COL6A2: variants seen among roughly 807,000 people sequenced by gnomAD.
COL6A2 encodes collagen type VI alpha 2 chain.
A neutral mutation model predicts 124.9 loss-of-function variants in COL6A2; 90 were observed. The ratio of observed to expected loss-of-function variants is 0.72; its 90% CI spans 0.61 to 0.86. The LOEUF (loss-of-function observed/expected upper bound fraction) is 0.86. COL6A2 is among the 40% of genes least tolerant of loss of function. The pLI is 0.00. For missense variants in COL6A2, 1,607 were observed against 1,502.5 expected (o/e 1.07, Z -1.15); for synonymous variants, 793 against 618.2 (o/e 1.28, Z -4.19).
intron 24 of COL6A2, 52 bp from the exon 25 acceptor site, chr21:46,125,413 C>T (rs750356599): frequency 3.1e-6 from 5 of 1,610,758 alleles, no homozygotes; most frequent in South Asian, 1.1e-5. Context: ...GCACGTGACC[C>T]TAGGGTCTGA....
chr21:46,116,926 TACACACACACACACACAC>T lies in COL6A2; in HGVS notation c.999+125_999+142del, dbSNP rs59060956. The T allele has an allele frequency of 0.014, 9,247 of 639,326 alleles. 399 individuals are homozygous for T. Among genetic ancestry groups the T allele is most frequent in the South Asian group, 0.085 (4,687 of 54,992 alleles). 39.6% of individuals were successfully genotyped at this position (639,326 alleles called of 1,614,324 possible). ...CAGCTTACACATGTGTACACACGCA[TACACACACACACACACAC>T]ACACACACACACGAACTTCAGCTCC... On this transcript the variant is annotated intron_variant, in intron 10 of 27. Coordinates refer to ENST00000300527, the MANE Select transcript of COL6A2 (RefSeq NM_001849.4). The surrounding 1 kb of genome is among the most constrained non-coding windows in gnomAD (Gnocchi z 4.6).
chr21:46,125,505 C>T lies in COL6A2; in HGVS notation c.1857C>T (p.Val619=), dbSNP rs2078648433. The part of the protein sequence containing the change: ...KRCGALDVVF[V]IDSSESIGYT... ...GTGGCGCCCTGGACGTGGTCTTCGT[C>T]ATCGACAGCTCCGAGAGCATTGGGT... Residue 619 remains valine (V), a synonymous_variant, in exon 25 of 28, where the codon GTC becomes GTT. Coordinates refer to ENST00000300527, the MANE Select transcript of COL6A2 (RefSeq NM_001849.4). 1.2e-6 allele frequency: 2 copies of T among 1,612,992 alleles called. No homozygotes were observed. Among genetic ancestry groups the T allele is most frequent in the Non-Finnish European group, 1.7e-6 (2 of 1,179,960 alleles).
rs764218279 is a variant in COL6A2, at chr21:46,112,610, CA to C, written c.714+34del. 7.5e-6 allele frequency: 12 copies of C among 1,608,174 alleles called. No individual in the cohort carries two copies. In the Admixed American group the frequency reaches 1.2e-4, roughly 16 times the overall value. Reference sequence around the variant, plus strand: ...GCGGGCGGGAGCACCGTCCACGCGCCAGGGGTGGCCACGGTGGGCCGTCCAC... The same window carrying C: ...GCGGGCGGGAGCACCGTCCACGCGCCGGGGTGGCCACGGTGGGCCGTCCAC... On this transcript the variant is annotated intron_variant, in intron 3 of 27. Coordinates refer to ENST00000300527, the MANE Select transcript of COL6A2 (RefSeq NM_001849.4).
rs368299174 is a variant in COL6A2, at chr21:46,112,174, A to G, written c.311A>G (p.Gln104Arg). 1 of 1,612,954 alleles carries G rather than the reference A, an allele frequency of 6.2e-7. No individual in the cohort carries two copies. The highest frequency in any genetic ancestry group is 8.5e-7 in the Non-Finnish European group (1 of 1,180,030). The change falls in exon 3 of 28, where the codon CAG becomes CGG. Residue 104 changes from glutamine (Q) to arginine (R), a missense_variant. By Grantham distance (43) the Gln-to-Arg change is conservative. Coordinates refer to ENST00000300527, the MANE Select transcript of COL6A2 (RefSeq NM_001849.4). ...WRYGGLHFSD[Q>R]VEVFSPPGSD... Reference sequence around the variant, plus strand: ...TACGGCGGCCTGCACTTCTCTGACCAGGTGGAGGTGTTCAGCCCACCGGGC... The same window carrying G: ...TACGGCGGCCTGCACTTCTCTGACCGGGTGGAGGTGTTCAGCCCACCGGGC...
intron 1 of COL6A2, among the ~76,000 whole-genome samples, chr21:46,104,357 G>A (rs2078316338): frequency 6.6e-6 from 1 of 152,122 alleles, no homozygotes; most frequent in Admixed American, 6.5e-5. Context: ...AAACCAAAGG[G>A]AAATTCTGGA....
chr21:46,130,444 C>T (rs951007178), intron 27 of COL6A2, among the ~76,000 whole-genome samples: 5 of 152,212 alleles, frequency 3.3e-5, no homozygotes, highest in South Asian at 2.1e-4. Flanking sequence ...CTGCCGGGCA[C>T]GGCTGTGACC....
chr21:46,099,366 G>C (rs2078261640), intron 1 of COL6A2, among the ~76,000 whole-genome samples: 1 of 140,880 alleles, frequency 7.1e-6, no homozygotes, highest in Non-Finnish European at 1.5e-5. Context: ...TGAGGCAGGA[G>C]AAAATCACTT....
chr21:46,118,540 G>GC (rs933160705), intron 12 of COL6A2, 74 bp from the exon 13 acceptor site: 12 of 1,436,788 alleles, frequency 8.4e-6, no homozygotes, highest in Middle Eastern at 3.5e-4. Context: ...CGTGGGTCCT[G>GC]CCCCCGCAGC....
At position 46,124,521 on chromosome 21, in the gene COL6A2, C is replaced by T. The variant is rs889685761; in HGVS notation, c.1672-130C>T. 3.3e-4 allele frequency: 257 copies of T among 789,550 alleles called. 1 individual carries two copies. Among genetic ancestry groups the T allele is most frequent in the Middle Eastern group, 6.9e-4 (2 of 2,886 alleles). 48.9% of individuals were successfully genotyped at this position (789,550 alleles called of 1,614,324 possible). ...AAGGAGGAGGCACAGCCTTGTCTTA[C>T]TCCTTGCACCTGTTAGCCCCCCCCC... is the stretch of plus-strand genomic sequence containing the variant. On this transcript the variant is annotated intron_variant, in intron 21 of 27. Transcript: ENST00000300527.
At chr21:46,115,685 G>T (rs2078459688) in intron 5 of COL6A2, among the ~76,000 whole-genome samples, 187 bp from the exon 6 acceptor site, 1 of 152,138 alleles carries the variant, frequency 6.6e-6, no homozygotes, top group Admixed American at 6.5e-5. Context: ...GGGAGAAATG[G>T]GTCAAAGCAA....
chr21:46,112,264 C>A lies in COL6A2; in HGVS notation c.401C>A (p.Thr134Asn). Residue 134 changes from threonine (T) to asparagine (N), a missense_variant, in exon 3 of 28, where the codon ACC becomes AAC. Thr to Asn is a moderately conservative substitution (Grantham distance 65, BLOSUM62 0). Coordinates refer to ENST00000300527, the MANE Select transcript of COL6A2 (RefSeq NM_001849.4). ...AGCTCCTTCCGCCGCGGCACCTTCACCGACTGCGCGCTGGCCAACATGACG... is the reference window on the plus strand; with the variant it reads ...AGCTCCTTCCGCCGCGGCACCTTCAACGACTGCGCGCTGGCCAACATGACG... ...GISSFRRGTF[T>N]DCALANMTEQ... The A allele has an allele frequency of 1.9e-6, 3 of 1,612,796 alleles. No individual in the cohort carries two copies. The highest frequency in any genetic ancestry group is 1.7e-6 in the Non-Finnish European group (2 of 1,179,992).
chr21:46,129,614 G>C, intron 27 of COL6A2: 2 of 1,432,786 alleles, frequency 1.4e-6, no homozygotes, highest in South Asian at 3.0e-5. Context: ...CGGGGCTACA[G>C]TCCTTCCAGG....
Position 46,120,541 on chromosome 21 carries a change from C to G in COL6A2, c.1359C>G (p.Arg453=). 6.8e-7 allele frequency: 1 copy of G among 1,478,350 alleles called. No homozygotes were observed. The highest frequency in any genetic ancestry group is 9.0e-7 in the Non-Finnish European group (1 of 1,116,456). 91.6% of individuals were successfully genotyped at this position (1,478,350 alleles called of 1,614,324 possible). A position where few individuals can be genotyped will look rare whatever the true frequency, so the allele number is the denominator to read the frequency against. Residue 453 remains arginine (R), a synonymous_variant, in exon 16 of 28, where the codon CGC becomes CGG. Coordinates refer to ENST00000300527, the MANE Select transcript of COL6A2 (RefSeq NM_001849.4). ...EKGDPGPEGP[R]GLAGEVGNKG... Reference sequence around the variant, plus strand: ...GGGACCCTGGCCCTGAGGGGCCCCGCGGCCTGGCTGGAGAGGTTGGCAACA... The same window carrying G: ...GGGACCCTGGCCCTGAGGGGCCCCGGGGCCTGGCTGGAGAGGTTGGCAACA...
chr21:46,114,424 C>CA (rs751941293), intron 5 of COL6A2, among the ~76,000 whole-genome samples: 8,120 of 96,398 alleles, frequency 0.084, 331 homozygotes, highest in Non-Finnish European at 0.12. Context: ...GACTCTGTCT[C>CA]AAAAAAAAAA....
rs139814466 is a variant in COL6A2, at chr21:46,132,426, C to A, written c.2934C>A (p.Ser978Arg). 1 of 1,606,844 alleles carries A rather than the reference C, an allele frequency of 6.2e-7. No homozygotes were observed. The highest frequency in any genetic ancestry group is 2.2e-5 in the East Asian group (1 of 44,740). Reference sequence around the variant, plus strand: ...TACCCACCGTGCTGGCCTTGGGCAGCGACGTGGACATGGACGTGCTCACCA... The same window carrying A: ...TACCCACCGTGCTGGCCTTGGGCAGAGACGTGGACATGGACGTGCTCACCA... ...NVVPTVLALG[S>R]DVDMDVLTTL... Residue 978 changes from serine to arginine, a missense_variant, in exon 28 of 28, where the codon AGC becomes AGA. Ser to Arg is a moderately radical substitution (Grantham distance 110). This residue lies in a region of COL6A2 where 1,223 missense variants were observed against 1,052.2 expected (regional missense o/e 1.16). Coordinates refer to ENST00000300527, the MANE Select transcript of COL6A2 (RefSeq NM_001849.4).
At position 46,126,517 on chromosome 21, in the gene COL6A2, T is replaced by C; in HGVS notation, c.2437T>C (p.Cys813Arg). 6.2e-7 allele frequency: 1 copy of C among 1,613,254 alleles called. No individual in the cohort carries two copies. Among genetic ancestry groups the C allele is most frequent in the Non-Finnish European group, 8.5e-7 (1 of 1,179,724 alleles). The change falls in exon 27 of 28, where the codon TGC becomes CGC. Residue 813 changes from cysteine (C) to arginine (R), a missense_variant. By Grantham distance (180) the Cys-to-Arg change is radical. Coordinates refer to ENST00000300527, the MANE Select transcript of COL6A2 (RefSeq NM_001849.4). ...CTCTCTTCCAGACCCTCAGATCGTG[T>C]GCCCAGACCTTCCCTGCCAAACAGG... ...DVLCPDPQIVCPDLPCQTELS... is the reference protein window; with the variant it reads ...DVLCPDPQIVRPDLPCQTELS...
intron 1 of COL6A2, among the ~76,000 whole-genome samples, chr21:46,109,001 G>A (rs1242255126): frequency 1.3e-5 from 2 of 152,014 alleles, no homozygotes; most frequent in South Asian, 4.1e-4. Flanking sequence ...TAGGCGGGTT[G>A]TCTTGTCGGC....
At position 46,132,175 on chromosome 21, in the gene COL6A2, A is replaced by C. The variant is rs141233891; in HGVS notation, c.2683A>C (p.Ser895Arg). The C allele has an allele frequency of 1.8e-3, 2,783 of 1,572,704 alleles. 5 individuals carry two copies. Among genetic ancestry groups the C allele is most frequent in the Non-Finnish European group, 2.1e-3 (2,469 of 1,160,358 alleles). ...PGEQQVAFPL[S>R]HNLTAIHEAL... ...CGAGCAGCAGGTGGCCTTCCCGCTG[A>C]GCCACAACCTCACGGCCATCCACGA... Residue 895 changes from serine to arginine, a missense_variant, in exon 28 of 28, where the codon AGC becomes CGC. Ser to Arg is a moderately radical substitution (Grantham distance 110). Coordinates refer to ENST00000300527, the MANE Select transcript of COL6A2 (RefSeq NM_001849.4).
chr21:46,124,070 C>T (rs571208716), intron 21 of COL6A2, among the ~76,000 whole-genome samples: 97 of 117,194 alleles, frequency 8.3e-4, no homozygotes, highest in Non-Finnish European at 1.2e-3. Flanking sequence ...ACGGATGGAC[C>T]GATGGATGAA....
Sources: allele counts gnomAD v4.1 joint callset (sites outside exome capture counted in the v4.1 genomes callset), GRCh38; gene constraint gnomAD v4.1.1; regional missense constraint gnomAD v4.1.1; non-coding constraint Gnocchi (gnomAD v3.1); transcripts MANE v1.5; gene names NCBI Gene and HGNC (gene_info 2026-07-23, HGNC 2026-07-21).